TBC1D14: variants seen among roughly 807,000 people sequenced by gnomAD.
TBC1D14 encodes the protein TBC1 domain family, member 14.
TBC1D14 carries 26 observed loss-of-function variants against 79.0 expected under a neutral mutation model. The observed-to-expected ratio is 0.33, with a 90% CI of 0.24 to 0.46. The LOEUF (loss-of-function observed/expected upper bound fraction) is 0.46, where lower values mean the gene tolerates loss of function less well. Ranked by LOEUF, TBC1D14 falls within the 20% of genes least tolerant of loss-of-function variation. The probability of loss-of-function intolerance (pLI) is 1.00; values close to 1 mark genes in which losing one functional copy is unlikely to be tolerated. For synonymous variants in TBC1D14, 394 were observed against 349.9 expected, an observed-to-expected ratio of 1.13 and a Z score of -1.40; for missense variants, 769 against 887.6, an observed-to-expected ratio of 0.87 and a Z score of 1.70.
At chr4:6,969,391 C>G (rs1337264801) in intron 3 of TBC1D14, among the ~76,000 whole-genome samples, 1 of 151,980 alleles carries the variant, frequency 6.6e-6, no homozygotes, top group African/African-American at 2.4e-5. Context: ...ACTTGTTTGT[C>G]TTTTTAAGAC....
intron 2 of TBC1D14, among the ~76,000 whole-genome samples, chr4:6,932,599 G>A (rs1030334500): frequency 6.6e-6 from 1 of 152,188 alleles, no homozygotes; most frequent in African/African-American, 2.4e-5. Flanking sequence ...CTTAGACTCA[G>A]TGGGGAGCCA....
chr4:6,924,934 T>C (rs1347226232), intron 2 of TBC1D14, among the ~76,000 whole-genome samples: 1 of 151,810 alleles, frequency 6.6e-6, no homozygotes, highest in Non-Finnish European at 1.5e-5. Flanking sequence ...CACAAGCAAA[T>C]GTGAACTCCC....
intron 3 of TBC1D14, among the ~76,000 whole-genome samples, chr4:6,973,889 T>A (rs753422172): frequency 4.6e-5 from 7 of 152,136 alleles, no homozygotes; most frequent in Non-Finnish European, 1.0e-4. Flanking sequence ...AGTGGCGCAA[T>A]CTTGGCTTAC....
chr4:6,938,550 C>G (rs1712570372), intron 2 of TBC1D14, among the ~76,000 whole-genome samples: 1 of 152,198 alleles, frequency 6.6e-6, no homozygotes, highest in African/African-American at 2.4e-5. Flanking sequence ...CAGGCACCAG[C>G]CTGGCAGCTC....
At chr4:7,013,204 GA>G (rs1402088498) in intron 11 of TBC1D14, among the ~76,000 whole-genome samples, 6 of 152,230 alleles carry the variant, frequency 3.9e-5, no homozygotes, top group Admixed American at 3.3e-4. Flanking sequence ...TCTGCTGGGG[GA>G]TGTCCTGTGC....
At position 7,024,141 on chromosome 4, in the gene TBC1D14, A is replaced by G. The variant is rs146848582; in HGVS notation, c.1758-863A>G. 1.0e-3 allele frequency among the ~76,000 whole-genome samples: 156 copies of G among 152,208 alleles called. 1 individual carries two copies. The highest frequency in any genetic ancestry group is 3.6e-3 in the African/African-American group (150 of 41,526). The stretch of plus-strand genomic sequence containing the variant: ...AGAACCCATGCCCCTGTCACTTGTG[A>G]GCAGGTTGACCAGTGTGCGGGGTTT... On this transcript the variant is annotated intron_variant, in intron 12 of 13. Coordinates refer to ENST00000409757, the MANE Select transcript of TBC1D14 (RefSeq NM_020773.3).
chr4:6,919,220 C>G (rs1011451477), intron 1 of TBC1D14, among the ~76,000 whole-genome samples: 3 of 151,666 alleles, frequency 2.0e-5, no homozygotes, highest in Admixed American at 6.6e-5. Flanking sequence ...CATTTCAGCT[C>G]ACTGCAACCT....
intron 9 of TBC1D14, 141 bp from the exon 10 acceptor site, chr4:7,009,736 A>G: frequency 1.2e-6 from 1 of 834,232 alleles, no homozygotes; most frequent in Non-Finnish European, 2.0e-6. Context: ...ATGCATATAG[A>G]GCTGCTGGCA....
intron 2 of TBC1D14, among the ~76,000 whole-genome samples, chr4:6,933,052 A>G (rs1023239093): frequency 2.6e-5 from 4 of 152,054 alleles, no homozygotes; most frequent in Non-Finnish European, 5.9e-5. Flanking sequence ...GATTGCTGTC[A>G]GCTGAGGGTC....
intron 3 of TBC1D14, among the ~76,000 whole-genome samples, chr4:6,975,650 A>G (rs1716653190): frequency 6.6e-6 from 1 of 152,260 alleles, no homozygotes; most frequent in African/African-American, 2.4e-5. Flanking sequence ...AATAGAAAGT[A>G]TCAGTAAAGG....
chr4:7,019,318 C>T (rs1721582992), intron 12 of TBC1D14, among the ~76,000 whole-genome samples: 1 of 152,174 alleles, frequency 6.6e-6, no homozygotes, highest in Non-Finnish European at 1.5e-5. Context: ...CCGCGCCCAG[C>T]TCGAGTTCCC....
chr4:6,931,770 A>G (rs1006585940), intron 2 of TBC1D14, among the ~76,000 whole-genome samples: 3 of 150,024 alleles, frequency 2.0e-5, no homozygotes, highest in Non-Finnish European at 4.5e-5. Flanking sequence ...CTCATCATAC[A>G]TTCTTTAAAA....
At chr4:7,015,578 G>C (rs1443867121) in intron 12 of TBC1D14, among the ~76,000 whole-genome samples, 1 of 152,132 alleles carries the variant, frequency 6.6e-6, no homozygotes, top group African/African-American at 2.4e-5. Context: ...TGGTGAAAGG[G>C]GTTGCTGAGG....
rs1723168746 is a variant in TBC1D14 at position 7,032,673 on chromosome 4, C to G, written c.*2281C>G. Reference sequence around the variant, plus strand: ...AGTTCTGAGTCCCCGGCCAGGGTCCCTTAACACCTCGGCACAGAGGCTGTT... The same window carrying G: ...AGTTCTGAGTCCCCGGCCAGGGTCCGTTAACACCTCGGCACAGAGGCTGTT... On this transcript the variant is annotated 3_prime_UTR_variant, in exon 14 of 14. Transcript: ENST00000409757. 1 of 152,244 alleles carries G rather than the reference C, an allele frequency of 6.6e-6. No homozygotes were observed. Among genetic ancestry groups the G allele is most frequent in the South Asian group, 2.1e-4 (1 of 4,818 alleles). 9.4% of individuals were successfully genotyped at this position (152,244 alleles called of 1,614,324 possible).
intron 2 of TBC1D14, among the ~76,000 whole-genome samples, chr4:6,938,471 C>T (rs1043230028): frequency 6.6e-6 from 1 of 152,112 alleles, no homozygotes; most frequent in African/African-American, 2.4e-5. Flanking sequence ...AGTCCTTGGC[C>T]CTCTCCAGGG....
intron 10 of TBC1D14, 34 bp downstream of exon 10, chr4:7,009,982 T>C: frequency 1.9e-6 from 3 of 1,611,016 alleles, no homozygotes; most frequent in Non-Finnish European, 2.5e-6. Context: ...TATAATGTTG[T>C]TATCTAAAAA....
chr4:6,959,611 C>T (rs1380748691), intron 2 of TBC1D14, among the ~76,000 whole-genome samples: 3 of 152,226 alleles, frequency 2.0e-5, no homozygotes, highest in East Asian at 1.9e-4. Context: ...ACAGGCTCAG[C>T]GCTCCATGCA....
At chr4:6,977,264 GTGCGCGCCGCCACGCCTGA>G (rs1716831918) in intron 3 of TBC1D14, among the ~76,000 whole-genome samples, 2 of 148,180 alleles carry the variant, frequency 1.3e-5, no homozygotes, top group Non-Finnish European at 3.0e-5. Flanking sequence ...GCGATTGCAG[GTGCGCGCCGCCACGCCTGA>G]CTGGTTTTCG....
intron 12 of TBC1D14, among the ~76,000 whole-genome samples, chr4:7,015,002 C>T (rs1721139252): frequency 1.3e-5 from 2 of 152,032 alleles, no homozygotes; most frequent in South Asian, 4.2e-4. Context: ...GTACATAGAG[C>T]GAAGGTGACA....
Sources: gnomAD v4.1 joint callset for allele counts (sites outside exome capture counted in the v4.1 genomes callset) on GRCh38, gnomAD v4.1.1 for gene constraint, MANE v1.5 for transcripts, NCBI Gene and HGNC (gene_info 2026-07-23, HGNC 2026-07-21) for gene names.